The following RUNX2 variants were observed in gnomAD, a reference collection of about 807,000 sequenced individuals.
The protein encoded by RUNX2 is runt-related transcription factor 2.
RUNX2 carries 10 observed loss-of-function variants against 51.7 expected under a neutral mutation model. That is an observed-to-expected ratio of 0.19 (90% CI 0.12 to 0.33). RUNX2 has a LOEUF of 0.33. Among genes scored for constraint, RUNX2 ranks in the 10% least tolerant of loss-of-function variants. The probability of loss-of-function intolerance (pLI) is 1.00; values close to 1 mark genes in which losing one functional copy is unlikely to be tolerated. For synonymous variants in RUNX2, 276 were observed against 273.6 expected, an observed-to-expected ratio of 1.01 and a Z score of -0.09; for missense variants, 562 against 691.3, an observed-to-expected ratio of 0.81 and a Z score of 2.10.
chr6:45,495,359 A>C (rs1426494686), intron 6 of RUNX2, among the ~76,000 whole-genome samples: 1 of 152,168 alleles, frequency 6.6e-6, no homozygotes, highest in African/African-American at 2.4e-5. Flanking sequence ...CTTCTTTCTA[A>C]TTTCCTGTCC....
At chr6:45,425,047 C>T (rs1798346685) in intron 3 of RUNX2, among the ~76,000 whole-genome samples, 3 of 151,648 alleles carry the variant, frequency 2.0e-5, no homozygotes, top group Non-Finnish European at 1.5e-5. Context: ...CCTCCAATCC[C>T]CCAAACCAAA....
chr6:45,452,408 C>T (rs1254886990), intron 5 of RUNX2, among the ~76,000 whole-genome samples: 1 of 152,234 alleles, frequency 6.6e-6, no homozygotes, highest in East Asian at 1.9e-4. Flanking sequence ...TGGCTGAACA[C>T]ACCATTCCTT....
chr6:45,484,036 T>C (rs958290146), intron 5 of RUNX2, among the ~76,000 whole-genome samples: 4 of 152,196 alleles, frequency 2.6e-5, no homozygotes, highest in African/African-American at 9.7e-5. Context: ...ACATGAATGT[T>C]AGGATTTGGG....
chr6:45,451,945 G>T, intron 5 of RUNX2, among the ~76,000 whole-genome samples: 1 of 152,174 alleles, frequency 6.6e-6, no homozygotes, highest in East Asian at 1.9e-4. Context: ...AGGGTAATTT[G>T]TCTTGACTCT....
chr6:45,467,931 C>A (rs1022760993), intron 5 of RUNX2, among the ~76,000 whole-genome samples: 3 of 152,196 alleles, frequency 2.0e-5, no homozygotes, highest in Non-Finnish European at 4.4e-5. Context: ...TAGCTACCAG[C>A]CTCTTTCTCC....
At chr6:45,343,951 T>C (rs1281750660) in intron 2 of RUNX2, among the ~76,000 whole-genome samples, 3 of 152,192 alleles carry the variant, frequency 2.0e-5, no homozygotes, top group African/African-American at 7.2e-5. Context: ...GCCCTTGATA[T>C]TCTATACTAG....
chr6:45,384,985 G>A (rs1797320384), intron 2 of RUNX2, among the ~76,000 whole-genome samples: 1 of 152,146 alleles, frequency 6.6e-6, no homozygotes, highest in Non-Finnish European at 1.5e-5. Context: ...CTACAGGCAT[G>A]AGCCACTATG....
At chr6:45,441,307 C>G (rs1171319042) in intron 5 of RUNX2, among the ~76,000 whole-genome samples, 1 of 152,150 alleles carries the variant, frequency 6.6e-6, no homozygotes, top group Non-Finnish European at 1.5e-5. Context: ...TGAACAAGGA[C>G]AAATTCTGGG....
chr6:45,475,473 G>T (rs1420901448), intron 5 of RUNX2, among the ~76,000 whole-genome samples: 1 of 152,194 alleles, frequency 6.6e-6, no homozygotes, highest in Non-Finnish European at 1.5e-5. Context: ...ACTGATGGAA[G>T]GTATGGCATG....
intron 5 of RUNX2, among the ~76,000 whole-genome samples, chr6:45,452,744 G>A (rs1469341460): frequency 6.6e-6 from 1 of 151,996 alleles, no homozygotes; most frequent in Non-Finnish European, 1.5e-5. Context: ...TTCTCTAAGG[G>A]AAAAAAATAA....
intron 5 of RUNX2, among the ~76,000 whole-genome samples, chr6:45,443,400 C>G (rs1484165126): frequency 1.3e-5 from 2 of 152,060 alleles, no homozygotes; most frequent in Non-Finnish European, 2.9e-5. Context: ...GGAATTGCTT[C>G]CTCTAGATTT....
At chr6:45,468,292 C>G (rs1157032402) in intron 5 of RUNX2, among the ~76,000 whole-genome samples, 2 of 152,018 alleles carry the variant, frequency 1.3e-5, no homozygotes, top group African/African-American at 2.4e-5. Flanking sequence ...ACTCTGATGC[C>G]ATTACCATAG....
chr6:45,521,850 C>G (rs573723253), intron 7 of RUNX2, among the ~76,000 whole-genome samples: 18 of 152,300 alleles, frequency 1.2e-4, no homozygotes, highest in African/African-American at 4.3e-4. Context: ...TTCTCAGGCT[C>G]TGGTAGTGCA....
At chr6:45,422,480 C>A (rs982460317) in intron 2 of RUNX2, 113 bp from the exon 3 acceptor site, 10 of 430,128 alleles carry the variant, frequency 2.3e-5, no homozygotes, top group East Asian at 1.0e-4. Flanking sequence ...ATCCTCTTTC[C>A]CCCCGTCTCG....
intron 1 of RUNX2, 47 bp from the exon 2 acceptor site, chr6:45,328,614 C>T: frequency 6.2e-7 from 1 of 1,607,874 alleles, no homozygotes; most frequent in Non-Finnish European, 8.5e-7. Flanking sequence ...GTACTCCAGG[C>T]ATACTGTAAA....
chr6:45,349,094 A>G (rs1431049921), intron 2 of RUNX2, among the ~76,000 whole-genome samples: 1 of 152,222 alleles, frequency 6.6e-6, no homozygotes, highest in Non-Finnish European at 1.5e-5. Flanking sequence ...GATCCTGATT[A>G]TAAATGTTAC....
chr6:45,494,790 T>C (rs1800597544), intron 6 of RUNX2, among the ~76,000 whole-genome samples: 1 of 152,236 alleles, frequency 6.6e-6, no homozygotes, highest in Non-Finnish European at 1.5e-5. Flanking sequence ...AATCTCTGGA[T>C]TGACTTCTTT....
intron 7 of RUNX2, among the ~76,000 whole-genome samples, chr6:45,536,872 G>A (rs1046862249): frequency 2.0e-5 from 3 of 152,252 alleles, no homozygotes; most frequent in Middle Eastern, 3.4e-3. Context: ...CTCAGTTATG[G>A]TTTTTTTACA....
intron 2 of RUNX2, among the ~76,000 whole-genome samples, chr6:45,343,304 C>T (rs1257823070): frequency 6.6e-6 from 1 of 152,062 alleles, no homozygotes; most frequent in Non-Finnish European, 1.5e-5. Context: ...AGATCAAGAC[C>T]ATCCTGGCCA....
Sources: allele counts gnomAD v4.1 joint callset (sites outside exome capture counted in the v4.1 genomes callset), GRCh38; gene constraint gnomAD v4.1.1; transcripts MANE v1.5; gene names NCBI Gene and HGNC (gene_info 2026-07-23, HGNC 2026-07-21).